Variants in NTRK3 observed in about 807,000 individuals in gnomAD.
NTRK3 encodes NT-3 growth factor receptor.
NTRK3 carries 24 observed loss-of-function variants against 91.7 expected under a neutral mutation model. The observed-to-expected ratio is 0.26, with a 90% CI of 0.19 to 0.37. NTRK3 has a LOEUF of 0.37. Among genes scored for constraint, NTRK3 ranks in the 10% least tolerant of loss-of-function variants. The probability of loss-of-function intolerance (pLI) is 1.00; values close to 1 mark genes in which losing one functional copy is unlikely to be tolerated. For synonymous variants in NTRK3, 483 were observed against 404.0 expected, an observed-to-expected ratio of 1.20 and a Z score of -2.34; for missense variants, 880 against 1,068.9, an observed-to-expected ratio of 0.82 and a Z score of 2.46.
At chr15:87,903,213 G>A (rs900265806) in intron 17 of NTRK3, among the ~76,000 whole-genome samples, 4 of 152,220 alleles carry the variant, frequency 2.6e-5, no homozygotes, top group East Asian at 1.9e-4. Context: ...CCACATCATC[G>A]CCAGACAGGA....
chr15:88,034,757 C>A (rs1222141734), intron 13 of NTRK3, among the ~76,000 whole-genome samples: 17 of 152,234 alleles, frequency 1.1e-4, no homozygotes, highest in Non-Finnish European at 7.3e-5. Flanking sequence ...TCAGCACAGA[C>A]AGGCTTATTC....
intron 10 of NTRK3, among the ~76,000 whole-genome samples, chr15:88,130,070 GCCAACACCTTTATCTC>G (rs982640482): frequency 1.3e-5 from 2 of 152,140 alleles, no homozygotes; most frequent in African/African-American, 2.4e-5. Flanking sequence ...AACCATCCCT[GCCAACACCTTTATCTC>G]AGGCTTCCAG....
At chr15:87,998,636 G>A (rs919163010) in intron 14 of NTRK3, among the ~76,000 whole-genome samples, 5 of 152,168 alleles carry the variant, frequency 3.3e-5, no homozygotes, top group Non-Finnish European at 5.9e-5. Flanking sequence ...TACCACATTA[G>A]GGAGTTTAAT....
chr15:88,072,389 T>C (rs2047169006), intron 13 of NTRK3: 2 of 207,986 alleles, frequency 9.6e-6, no homozygotes, highest in African/African-American at 4.6e-5. Flanking sequence ...AGGGCTGATT[T>C]TGGTTTTCTT....
At chr15:88,082,917 A>G (rs920603513) in intron 13 of NTRK3, among the ~76,000 whole-genome samples, 1 of 152,188 alleles carries the variant, frequency 6.6e-6, no homozygotes, top group African/African-American at 2.4e-5. Context: ...ACAACAACAC[A>G]GAGAAGCTTA....
chr15:88,034,370 T>C (rs939162150), intron 13 of NTRK3, among the ~76,000 whole-genome samples: 4 of 152,200 alleles, frequency 2.6e-5, no homozygotes, highest in African/African-American at 7.2e-5. Flanking sequence ...AGTAAGGACA[T>C]ACAGTTACTC....
rs74027797 is a variant in NTRK3 at position 88,184,182 on chromosome 15, C to G, written c.323+43G>C. On this transcript the variant is annotated intron_variant, in intron 4 of 18. Coordinates refer to ENST00000394480, the Ensembl canonical transcript of NTRK3. ...AGAAGGCAGACCAGGTGGCATCCAC[C>G]CCTTCCACAGGGAAAGGCCTCTCTG... 48 of 1,597,950 alleles carry G rather than the reference C, an allele frequency of 3.0e-5. No homozygotes were observed. The African/African-American group carries it at 5.6e-4, about 19-fold the overall frequency.
At chr15:88,212,488 T>C (rs973583204) in intron 3 of NTRK3, among the ~76,000 whole-genome samples, 1 of 152,226 alleles carries the variant, frequency 6.6e-6, no homozygotes, top group Non-Finnish European at 1.5e-5. Flanking sequence ...TGATGGCCCT[T>C]AGCTTACATA....
chr15:88,132,821 C>A (rs2041495554), intron 10 of NTRK3, among the ~76,000 whole-genome samples: 1 of 152,168 alleles, frequency 6.6e-6, no homozygotes, highest in African/African-American at 2.4e-5. Context: ...TCCCTTTAAC[C>A]TAGACTCACA....
At chr15:87,892,826 G>A (rs751050291) in intron 17 of NTRK3, among the ~76,000 whole-genome samples, 4 of 152,140 alleles carry the variant, frequency 2.6e-5, no homozygotes, top group Non-Finnish European at 5.9e-5. Flanking sequence ...ATTCAGTGGG[G>A]TAACTGCAAT....
At position 87,977,840 on chromosome 15, in the gene NTRK3, C is replaced by G. The variant is rs964872264; in HGVS notation, c.1586-37087G>C. ...GGATCCTGACACGAAGAACCACCAT[C>G]CACAGGACCCAAGAAGTAAAACCCT... On this transcript the variant is annotated intron_variant, in intron 14 of 18. Transcript: ENST00000394480. 1.3e-5 allele frequency: 3 copies of G among 232,644 alleles called. No individual in the cohort carries two copies. In the South Asian group the frequency reaches 5.4e-4, roughly 42 times the overall value. 14.4% of individuals were successfully genotyped at this position (232,644 alleles called of 1,614,324 possible).
intron 14 of NTRK3, chr15:87,979,492 GA>G: frequency 1.3e-6 from 2 of 1,511,332 alleles, no homozygotes; most frequent in Non-Finnish European, 1.8e-6. Flanking sequence ...AAAAAAAACA[GA>G]AAAAAGCAAA....
At chr15:87,971,511 C>A (rs1171446596) in intron 14 of NTRK3, among the ~76,000 whole-genome samples, 1 of 152,246 alleles carries the variant, frequency 6.6e-6, no homozygotes, top group Non-Finnish European at 1.5e-5. Flanking sequence ...CTAGCCAGTA[C>A]TCTGGAATGT....
chr15:88,135,514 A>G (rs2041790093), intron 9 of NTRK3, 117 bp from the exon 10 acceptor site: 11 of 1,192,884 alleles, frequency 9.2e-6, no homozygotes, highest in Non-Finnish European at 1.3e-5. Context: ...GAAAAGGCTG[A>G]GGGAAGCAGA....
At chr15:88,095,859 A>G (rs768389469) in intron 13 of NTRK3, among the ~76,000 whole-genome samples, 3 of 152,204 alleles carry the variant, frequency 2.0e-5, no homozygotes, top group South Asian at 2.1e-4. Context: ...GAGTGGTAAC[A>G]TCTTACATAA....
intron 14 of NTRK3, among the ~76,000 whole-genome samples, chr15:88,026,340 T>C (rs1321095228): frequency 6.6e-6 from 1 of 151,884 alleles, no homozygotes; most frequent in African/African-American, 2.4e-5. Context: ...GGAAAAGACA[T>C]GGAGGACCTT....
chr15:87,910,446 G>T (rs997649170), intron 17 of NTRK3, among the ~76,000 whole-genome samples: 4 of 152,182 alleles, frequency 2.6e-5, no homozygotes, highest in Non-Finnish European at 5.9e-5. Flanking sequence ...GGTTGCTGAG[G>T]TGCTAGCACT....
chr15:87,915,427 G>T (rs1428694043), intron 17 of NTRK3, among the ~76,000 whole-genome samples: 1 of 152,176 alleles, frequency 6.6e-6, no homozygotes, highest in Non-Finnish European at 1.5e-5. Context: ...AGAATTCATG[G>T]TCCACAGTTA....
chr15:88,015,067 G>C (rs2141820893), intron 14 of NTRK3, among the ~76,000 whole-genome samples: 1 of 152,300 alleles, frequency 6.6e-6, no homozygotes, highest in East Asian at 1.9e-4. Context: ...TATATTCAGT[G>C]AGTGTTTCAT....
Sources: allele counts gnomAD v4.1 joint callset (sites outside exome capture counted in the v4.1 genomes callset), GRCh38; gene constraint gnomAD v4.1.1; transcripts MANE v1.5; gene names NCBI Gene and HGNC (gene_info 2026-07-23, HGNC 2026-07-21).